The following GSTCD variants were observed in gnomAD, a reference collection of about 807,000 sequenced individuals.
GSTCD encodes glutathione S-transferase C-terminal domain containing.
A neutral mutation model predicts 68.3 loss-of-function variants in GSTCD; 44 were observed. The ratio of observed to expected loss-of-function variants is 0.64; its 90% CI spans 0.51 to 0.83. The LOEUF (loss-of-function observed/expected upper bound fraction) is 0.83. Ranked by LOEUF, GSTCD falls within the 40% of genes least tolerant of loss-of-function variation. GSTCD has a pLI of 0.00. For synonymous variants in GSTCD, 273 were observed against 255.2 expected, an observed-to-expected ratio of 1.07 and a Z score of -0.67; for missense variants, 739 against 735.9, an observed-to-expected ratio of 1.00 and a Z score of -0.05.
chr4:105,783,017 T>G (rs1483380529), intron 5 of GSTCD, among the ~76,000 whole-genome samples: 5 of 152,188 alleles, frequency 3.3e-5, no homozygotes, highest in African/African-American at 1.2e-4. Context: ...GGAACACAAG[T>G]TCATTTTATT....
intron 5 of GSTCD, chr4:105,753,114 A>C (rs1300790766): frequency 6.6e-6 from 1 of 152,008 alleles, no homozygotes. Context: ...CATTGATCAC[A>C]AATCCTGGAT....
intron 5 of GSTCD, among the ~76,000 whole-genome samples, chr4:105,785,034 C>T (rs919960817): frequency 1.3e-5 from 2 of 152,094 alleles, no homozygotes; most frequent in African/African-American, 4.8e-5. Flanking sequence ...TCTCAGTGGA[C>T]ACAACTAGGA....
chr4:105,834,644 G>C (rs188523484), intron 9 of GSTCD, 50 bp downstream of exon 9: 2 of 1,533,928 alleles, frequency 1.3e-6, no homozygotes, highest in Non-Finnish European at 1.8e-6. Context: ...TATAAGCCAG[G>C]ACACAAAACT....
At position 105,717,744 on chromosome 4, in the gene GSTCD, A is replaced by G. The variant is rs1253064059; in HGVS notation, c.131A>G (p.Lys44Arg). 6.2e-7 allele frequency: 1 copy of G among 1,613,924 alleles called. No individual in the cohort carries two copies. The highest frequency in any genetic ancestry group is 1.1e-5 in the South Asian group (1 of 91,080). Reference protein sequence around the residue: ...TLFLLSYCDCKIFKICLVVTK... With the variant: ...TLFLLSYCDCRIFKICLVVTK... ...TTTCTGTTATCTTACTGTGACTGTA[A>G]AATCTTTAAAATTTGCTTAGTTGTC... Residue 44 changes from lysine to arginine, a missense_variant, in exon 2 of 12, where the codon AAA becomes AGA. Lys to Arg is a conservative substitution (Grantham distance 26). Coordinates refer to ENST00000515279, the MANE Select transcript of GSTCD (RefSeq NM_001370181.1).
chr4:105,756,186 C>T (rs551925765), intron 5 of GSTCD, among the ~76,000 whole-genome samples: 2 of 152,290 alleles, frequency 1.3e-5, no homozygotes, highest in South Asian at 4.1e-4. Context: ...CCTTCTGGCA[C>T]ATGGCTGTGT....
At chr4:105,796,891 G>C (rs1735908697) in intron 5 of GSTCD, among the ~76,000 whole-genome samples, 1 of 152,190 alleles carries the variant, frequency 6.6e-6, no homozygotes, top group Non-Finnish European at 1.5e-5. Context: ...ATGACATACA[G>C]TCACTTCTAT....
rs565912642 is a variant in GSTCD, at chr4:105,717,676, A to T, written c.63A>T (p.Gln21His). 29 of 1,611,386 alleles carry T rather than the reference A, an allele frequency of 1.8e-5. No individual in the cohort carries two copies. The highest frequency in any genetic ancestry group is 2.5e-5 in the Non-Finnish European group (29 of 1,179,030). ...EEYLYLDFSH[Q>H]TEGCIFPLHT... ...ACCTGTACCTGGACTTTTCTCACCA[A>T]ACAGAAGGATGCATCTTTCCTCTTC... Residue 21 changes from glutamine to histidine, a missense_variant, in exon 2 of 12, where the codon CAA becomes CAT. Gln to His is a conservative substitution (Grantham distance 24). Transcript: ENST00000515279.
intron 5 of GSTCD, among the ~76,000 whole-genome samples, chr4:105,774,345 A>G (rs1393043414): frequency 6.6e-6 from 1 of 152,168 alleles, no homozygotes; most frequent in Non-Finnish European, 1.5e-5. Flanking sequence ...CATTTAGCCC[A>G]TTTACATTAA....
chr4:105,755,426 A>G (rs924250370), intron 5 of GSTCD, among the ~76,000 whole-genome samples: 2 of 152,156 alleles, frequency 1.3e-5, no homozygotes, highest in African/African-American at 4.8e-5. Context: ...CCCCTTTACT[A>G]TCTGATCTCC....
At chr4:105,797,082 G>A (rs868718135) in intron 5 of GSTCD, among the ~76,000 whole-genome samples, 1 of 149,210 alleles carries the variant, frequency 6.7e-6, no homozygotes, top group South Asian at 2.1e-4. Context: ...GTGTGTGTAT[G>A]TGTGTGTGTG....
At chr4:105,797,995 A>G (rs1735968369) in intron 5 of GSTCD, among the ~76,000 whole-genome samples, 1 of 151,768 alleles carries the variant, frequency 6.6e-6, no homozygotes, top group Admixed American at 6.6e-5. Flanking sequence ...TCACAATAGA[A>G]CTTCTAAAAT....
At chr4:105,833,745 G>C (rs2149283292) in intron 8 of GSTCD, among the ~76,000 whole-genome samples, 1 of 152,246 alleles carries the variant, frequency 6.6e-6, no homozygotes, top group Admixed American at 6.5e-5. Flanking sequence ...TAAGATTATA[G>C]TAAGTATAGA....
chr4:105,835,270 C>A (rs1578523325), intron 9 of GSTCD, among the ~76,000 whole-genome samples: 1 of 152,278 alleles, frequency 6.6e-6, no homozygotes, highest in East Asian at 1.9e-4. Context: ...ACTCACTCAG[C>A]CTGGCAGGCT....
intron 9 of GSTCD, among the ~76,000 whole-genome samples, chr4:105,835,436 G>A (rs1368160134): frequency 6.6e-6 from 1 of 152,160 alleles, no homozygotes; most frequent in African/African-American, 2.4e-5. Context: ...CCAGGCACCA[G>A]CTTGGGTGCT....
chr4:105,740,035 CA>C (rs1350093913), intron 5 of GSTCD, among the ~76,000 whole-genome samples: 1 of 151,960 alleles, frequency 6.6e-6, no homozygotes, highest in African/African-American at 2.4e-5. Flanking sequence ...GGGCATTGGA[CA>C]GGGGTGGTTT....
chr4:105,785,388 C>T (rs1735427290), intron 5 of GSTCD, among the ~76,000 whole-genome samples: 1 of 151,910 alleles, frequency 6.6e-6, no homozygotes, highest in Non-Finnish European at 1.5e-5. Context: ...AATCAATTTA[C>T]CCTAGAAAGG....
chr4:105,769,070 A>C (rs1368356430), intron 5 of GSTCD, among the ~76,000 whole-genome samples: 6 of 152,134 alleles, frequency 3.9e-5, no homozygotes, highest in Non-Finnish European at 7.4e-5. Context: ...AAAATGTTTT[A>C]ATTTAAATGA....
intron 5 of GSTCD, among the ~76,000 whole-genome samples, chr4:105,764,680 C>G (rs1261544436): frequency 6.6e-6 from 1 of 152,132 alleles, no homozygotes; most frequent in African/African-American, 2.4e-5. Context: ...CACTTATGAC[C>G]TCATGTAACC....
At chr4:105,841,836 G>A (rs528195156) in intron 10 of GSTCD, among the ~76,000 whole-genome samples, 5 of 152,238 alleles carry the variant, frequency 3.3e-5, no homozygotes, top group African/African-American at 7.2e-5. Context: ...GGGCGACGGC[G>A]AGACTGTCTC....
Sources: gnomAD v4.1 joint callset for allele counts (sites outside exome capture counted in the v4.1 genomes callset) on GRCh38, gnomAD v4.1.1 for gene constraint, MANE v1.5 for transcripts, NCBI Gene and HGNC (gene_info 2026-07-23, HGNC 2026-07-21) for gene names.